The following SERPINA1 variants were observed in gnomAD, a reference collection of about 807,000 sequenced individuals.
The protein encoded by SERPINA1 is alpha-1-antitrypsin.
Under a neutral mutation model 25.4 loss-of-function variants are expected in SERPINA1, and 21 were observed. The ratio of observed to expected loss-of-function variants is 0.83; its 90% confidence interval spans 0.59 to 1.19. The LOEUF (loss-of-function observed/expected upper bound fraction) is 1.19, where lower values mean the gene tolerates loss of function less well. Among genes scored for constraint, SERPINA1 ranks in the 50% most tolerant of loss-of-function variants. The pLI, the probability that SERPINA1 is intolerant of heterozygous loss-of-function variation, is 0.00. For missense variants in SERPINA1, 546 were observed against 509.0 expected (o/e 1.07, Z -0.70); for synonymous variants, 218 against 211.1 (o/e 1.03, Z -0.29).
chr14:94,382,972 G>A lies in SERPINA1; in HGVS notation c.266C>T (p.Ser89Phe). 1.2e-6 allele frequency: 2 copies of A among 1,608,226 alleles called. No homozygotes were observed. Among genetic ancestry groups the A allele is most frequent in the Non-Finnish European group, 1.7e-6 (2 of 1,175,536 alleles). Residue 89 changes from serine to phenylalanine, a missense_variant, in exon 2 of 5, where the codon TCC becomes TTC. Ser to Phe is a radical substitution (Grantham distance 155, BLOSUM62 -2). Transcript: ENST00000393087. ...GTGAGTGTCAGCCTTGGTCCCCAGG[G>A]AGAGCATTGCAAAGGCTGTAGCGAT... ...VSIATAFAMLSLGTKADTHDE... is the reference protein window; with the variant it reads ...VSIATAFAMLFLGTKADTHDE...
At chr14:94,384,325 C>G (rs1338658713) in intron 1 of SERPINA1, among the ~76,000 whole-genome samples, 1 of 152,150 alleles carries the variant, frequency 6.6e-6, no homozygotes, top group African/African-American at 2.4e-5. Flanking sequence ...GTCTCAACAC[C>G]AAACCTTACA....
chr14:94,383,296 C>T (rs1897094744), intron 1 of SERPINA1, 55 bp from the exon 2 acceptor site: 2 of 1,562,616 alleles, frequency 1.3e-6, no homozygotes, highest in Non-Finnish European at 1.7e-6. Context: ...TGATGACTCC[C>T]AGTGATCAGG....
chr14:94,382,009 C>G (rs1896962720), intron 2 of SERPINA1, among the ~76,000 whole-genome samples: 1 of 152,208 alleles, frequency 6.6e-6, no homozygotes, highest in Non-Finnish European at 1.5e-5. Flanking sequence ...GCCTGAGATA[C>G]AGAAGAGTCC....
Position 94,382,585 on chromosome 14 carries a change from A to C in SERPINA1, c.646+7T>G, listed in dbSNP as rs765296573. The stretch of plus-strand genomic sequence containing the variant: ...GGGAACAGCTCAGGCTGGTTGAGCA[A>C]CCTTACCTTTAAAGAAGATGTAATT... On this transcript the variant is annotated splice_region_variant and intron_variant, in intron 2 of 4. Coordinates refer to ENST00000393087, the MANE Select transcript of SERPINA1 (RefSeq NM_000295.5). 7.4e-6 allele frequency: 12 copies of C among 1,614,092 alleles called. No individual in the cohort carries two copies. The highest frequency in any genetic ancestry group is 1.0e-5 in the Non-Finnish European group (12 of 1,180,048).
intron 3 of SERPINA1, among the ~76,000 whole-genome samples, 196 bp from the exon 4 acceptor site, chr14:94,379,807 A>G (rs1049799747): frequency 4.2e-5 from 5 of 119,670 alleles, no homozygotes; most frequent in African/African-American, 1.4e-4. Context: ...GAATGTTAAC[A>G]TCGAATGAAT....
intron 2 of SERPINA1, among the ~76,000 whole-genome samples, chr14:94,381,445 A>G (rs1181872455): frequency 1.3e-5 from 2 of 152,156 alleles, no homozygotes; most frequent in Non-Finnish European, 2.9e-5. Context: ...TGTTTATTTG[A>G]GGGTGTCTTG....
Position 94,379,602 on chromosome 14 carries a change from G to C in SERPINA1, c.927C>G (p.Ser309Arg). Residue 309 changes from serine to arginine, a missense_variant, in exon 4 of 5, where the codon AGC becomes AGG. By Grantham distance (110) the Ser-to-Arg change is moderately radical. Coordinates refer to ENST00000393087, the MANE Select transcript of SERPINA1 (RefSeq NM_000295.5). ...TAATGGACAGTTTGGGTAAATGTAA[G>C]CTGGCAGACCTGTCGTGCAGAAAAG... is the stretch of plus-strand genomic sequence containing the variant. ...FLENEDRRSA[S>R]LHLPKLSITG... 5 of 1,613,620 alleles carry C rather than the reference G, an allele frequency of 3.1e-6. No homozygotes were observed. Among genetic ancestry groups the C allele is most frequent in the Non-Finnish European group, 3.4e-6 (4 of 1,179,878 alleles).
Position 94,382,864 on chromosome 14 carries a change from C to T in SERPINA1, c.374G>A (p.Arg125His), listed in dbSNP as rs709932. 254,783 of 1,614,092 alleles carry T rather than the reference C, an allele frequency of 0.16. 21,879 individuals carry two copies. Among genetic ancestry groups the T allele is most frequent in the South Asian group, 0.27 (24,433 of 91,084 alleles). The change falls in exon 2 of 5, where the codon CGT becomes CAT. Residue 125 changes from arginine (R) to histidine (H), a missense_variant. Arg to His is a conservative substitution (Grantham distance 29). Coordinates refer to ENST00000393087, the MANE Select transcript of SERPINA1 (RefSeq NM_000295.5). ...CTGGCTGTCTGGCTGGTTGAGGGTA[C>T]GGAGGAGTTCCTGGAAGCCTTCATG... ...QIHEGFQELLRTLNQPDSQLQ... is the reference protein window; with the variant it reads ...QIHEGFQELLHTLNQPDSQLQ...
At chr14:94,389,499 C>G (rs1305419921), upstream of SERPINA1, 1 of 152,220 alleles carries the variant, frequency 6.6e-6, no homozygotes, top group Non-Finnish European at 1.5e-5. Context: ...GATCCGTATA[C>G]AGCTTGGAGT....
chr14:94,380,910 T>C lies in SERPINA1; in HGVS notation c.878A>G (p.His293Arg), dbSNP rs1281598461. The C allele has an allele frequency of 1.4e-5, 22 of 1,614,046 alleles. No individual in the cohort carries two copies. Among genetic ancestry groups the C allele is most frequent in the Non-Finnish European group, 1.9e-5 (22 of 1,180,020 alleles). ...KLQHLENELTHDIITKFLENE... is the reference protein window; with the variant it reads ...KLQHLENELTRDIITKFLENE... ...TTCCAGGAACTTGGTGATGATATCGTGGGTGAGTTCATTTTCCAGGTGCTG... is the reference window on the plus strand; with the variant it reads ...TTCCAGGAACTTGGTGATGATATCGCGGGTGAGTTCATTTTCCAGGTGCTG... The change falls in exon 3 of 5, where the codon CAC (histidine) becomes CGC (arginine). Residue 293 changes from histidine (H) to arginine (R), a missense_variant. By Grantham distance (29) the His-to-Arg change is conservative. Coordinates refer to ENST00000393087, the MANE Select transcript of SERPINA1 (RefSeq NM_000295.5).
At chr14:94,388,064 G>A (rs933488173) in intron 1 of SERPINA1, among the ~76,000 whole-genome samples, 1 of 151,996 alleles carries the variant, frequency 6.6e-6, no homozygotes, top group South Asian at 2.1e-4. Flanking sequence ...GTGAGCCGGC[G>A]TTCCTCCCCA....
chr14:94,385,479 C>T (rs771956104), intron 1 of SERPINA1, among the ~76,000 whole-genome samples: 15 of 152,238 alleles, frequency 9.9e-5, no homozygotes, highest in African/African-American at 3.6e-4. Flanking sequence ...CAGGCGTGTG[C>T]CACCACGCCT....
chr14:94,381,902 T>C (rs1896952210), intron 2 of SERPINA1, among the ~76,000 whole-genome samples: 1 of 151,990 alleles, frequency 6.6e-6, no homozygotes, highest in South Asian at 2.1e-4. Flanking sequence ...CCACCTCCCC[T>C]CCCCTATGCT....
chr14:94,384,952 A>T (rs577799839), intron 1 of SERPINA1, among the ~76,000 whole-genome samples: 1 of 152,274 alleles, frequency 6.6e-6, no homozygotes, highest in South Asian at 2.1e-4. Context: ...TACATAATAC[A>T]TGTTTGTATT....
Position 94,378,107 on chromosome 14 carries a change from C to T in SERPINA1, c.*342G>A. 3.1e-6 allele frequency: 1 copy of T among 326,930 alleles called. No individual in the cohort carries two copies. Among genetic ancestry groups the T allele is most frequent in the Non-Finnish European group, 5.7e-6 (1 of 175,696 alleles). The allele number at this position is 326,930 out of a possible 1,614,324, so 20.3% of individuals were successfully genotyped here. ...GGGTCATGGCTGGTATCTGGTTCCT[C>T]CCCTGTGATTCCTTCTTGGGGACTC... On this transcript the variant is annotated 3_prime_UTR_variant, in exon 5 of 5. Coordinates refer to ENST00000393087, the MANE Select transcript of SERPINA1 (RefSeq NM_000295.5).
Position 94,378,465 on chromosome 14 carries a change from T to A in SERPINA1, c.1241A>T (p.Asn414Ile), listed in dbSNP as rs1406135754. Residue 414 changes from asparagine (N) to isoleucine (I), a missense_variant, in exon 5 of 5, where the codon AAT (asparagine) becomes ATT (isoleucine). Physicochemically the swap from Asn to Ile is moderately radical, Grantham distance 149 (BLOSUM62 -3). Coordinates refer to ENST00000393087, the MANE Select transcript of SERPINA1 (RefSeq NM_000295.5). ...GAGAGGCAGTTATTTTTGGGTGGGA[T>A]TCACCACTTTTCCCATGAAGAGGGG... The part of the protein sequence containing the change: ...KSPLFMGKVV[N>I]PTQK 4 of 1,613,984 alleles carry A rather than the reference T, an allele frequency of 2.5e-6. No homozygotes were observed. The highest frequency in any genetic ancestry group is 3.4e-6 in the Non-Finnish European group (4 of 1,180,014).
At position 94,378,332 on chromosome 14, in the gene SERPINA1, A is replaced by G. The variant is rs1366517335; in HGVS notation, c.*117T>C. The G allele has an allele frequency of 1.1e-6, 1 of 911,218 alleles. No individual in the cohort carries two copies. Among genetic ancestry groups the G allele is most frequent in the East Asian group, 2.4e-5 (1 of 41,294 alleles). 56.4% of individuals were successfully genotyped at this position (911,218 alleles called of 1,614,324 possible). A position where few individuals can be genotyped will look rare whatever the true frequency, so the allele number is the denominator to read the frequency against. ...CCTCAGCAGGCAAAGGGAGACTCAG[A>G]GAAAACATGGGAGGGATTTACAGTC... On this transcript the variant is annotated 3_prime_UTR_variant, in exon 5 of 5. Transcript: ENST00000393087.
intron 3 of SERPINA1, among the ~76,000 whole-genome samples, chr14:94,379,950 G>A (rs910666478): frequency 2.1e-4 from 32 of 151,862 alleles, no homozygotes; most frequent in African/African-American, 7.5e-4. Flanking sequence ...AGAGAAACAC[G>A]GGGCTGGTGG....
At chr14:94,387,114 G>A (rs1045668801) in intron 1 of SERPINA1, among the ~76,000 whole-genome samples, 1 of 152,222 alleles carries the variant, frequency 6.6e-6, no homozygotes, top group Non-Finnish European at 1.5e-5. Context: ...CAGAAGTCTT[G>A]AATCAGAAAA....
Sources: gnomAD v4.1 joint callset for allele counts (sites outside exome capture counted in the v4.1 genomes callset) on GRCh38, gnomAD v4.1.1 for gene constraint, MANE v1.5 for transcripts, NCBI Gene and HGNC (gene_info 2026-07-23, HGNC 2026-07-21) for gene names.